Variants in DDX39A observed in about 807,000 individuals in gnomAD.
DDX39A encodes the protein ATP-dependent RNA helicase DDX39A.
Under a neutral mutation model 46.3 loss-of-function variants are expected in DDX39A, and 13 were observed. That is an observed-to-expected ratio of 0.28 (90% CI 0.18 to 0.45). The LOEUF (loss-of-function observed/expected upper bound fraction) is 0.45. Among genes scored for constraint, DDX39A ranks in the 20% least tolerant of loss-of-function variants. DDX39A has a pLI of 1.00. For missense variants in DDX39A, 352 were observed against 581.8 expected, an observed-to-expected ratio of 0.61 and a Z score of 4.06; for synonymous variants, 234 against 224.6, an observed-to-expected ratio of 1.04 and a Z score of -0.38.
In DDX39A at chr19:14,412,912, C is replaced by T; in HGVS notation, c.208+101G>A. 2 of 1,406,676 alleles carry T rather than the reference C, an allele frequency of 1.4e-6. No homozygotes were observed. Among genetic ancestry groups the T allele is most frequent in the African/African-American group, 2.9e-5 (2 of 69,814 alleles). 87.1% of individuals were successfully genotyped at this position (1,406,676 alleles called of 1,614,324 possible). A position where few individuals can be genotyped will look rare whatever the true frequency, so the allele number is the denominator to read the frequency against. ...GATCCGCGGGACAGACGGGCCCCTC[C>T]CTCACCCACGGCAAACTGGAGGCGG... is the stretch of plus-strand genomic sequence containing the variant. On this transcript the variant is annotated intron_variant, in intron 2 of 10. Transcript: ENST00000242776. This position sits in a 1 kb window ranked among gnomAD's most constrained non-coding sequence, Gnocchi z 4.4.
rs1352813035 is a variant in DDX39A at position 14,418,144 on chromosome 19, A to AAG, written c.-5+1124_-5+1125dup. On this transcript the variant is annotated intron_variant, in intron 1 of 10. Coordinates refer to ENST00000242776, the MANE Select transcript of DDX39A (RefSeq NM_005804.4). ...TCAAAAAAAAAAAAAAAAAAAAAAA[A>AAG]AGAGAGAGAGAGATAAATAAATTGG... Among the ~76,000 whole-genome samples the AAG allele has an allele frequency of 7.4e-5, 11 of 148,788 alleles. No individual in the cohort carries two copies. The East Asian group carries it at 7.8e-4, about 11-fold the overall frequency.
rs1196121799 is a variant in DDX39A at position 14,409,219 on chromosome 19, T to C, written c.1120-35A>G. Reference sequence around the variant, plus strand: ...GACAGGATCAGGGTCAGGCCACAGATACTACCTCAGGACTTGAGGAAAAGC... The same window carrying C: ...GACAGGATCAGGGTCAGGCCACAGACACTACCTCAGGACTTGAGGAAAAGC... On this transcript the variant is annotated intron_variant, in intron 9 of 10. Coordinates refer to ENST00000242776, the MANE Select transcript of DDX39A (RefSeq NM_005804.4). This position sits in a 1 kb window ranked among gnomAD's most constrained non-coding sequence, Gnocchi z 8.3. 6.2e-7 allele frequency: 1 copy of C among 1,613,762 alleles called. No individual in the cohort carries two copies. Among genetic ancestry groups the C allele is most frequent in the Non-Finnish European group, 8.5e-7 (1 of 1,179,802 alleles).
At position 14,409,431 on chromosome 19, in the gene DDX39A, G is replaced by C; in HGVS notation, c.991C>G (p.Gln331Glu). The change falls in exon 9 of 11, where the codon CAG becomes GAG. Residue 331 changes from glutamine to glutamate, a missense_variant. Coordinates refer to ENST00000242776, the MANE Select transcript of DDX39A (RefSeq NM_005804.4). This position sits in a 1 kb window ranked among gnomAD's most constrained non-coding sequence, Gnocchi z 8.3. The stretch of plus-strand genomic sequence containing the variant: ...ATCCGCCGCTGGAAATCCTTGAACT[G>C]CTGATAGCGTGACAGGCTGGGGTGC... ...AQEERLSRYQ[Q>E]FKDFQRRILV... 6.2e-7 allele frequency: 1 copy of C among 1,614,156 alleles called. No homozygotes were observed. The highest frequency in any genetic ancestry group is 8.5e-7 in the Non-Finnish European group (1 of 1,180,040).
At chr19:14,418,243 G>A (rs987809275) in intron 1 of DDX39A, among the ~76,000 whole-genome samples, 2 of 151,338 alleles carry the variant, frequency 1.3e-5, no homozygotes, top group East Asian at 1.9e-4. Context: ...AAACTGATTA[G>A]ATCAGGAAAG....
In DDX39A at chr19:14,410,057, C is replaced by A; in HGVS notation, c.732+159G>T. On this transcript the variant is annotated intron_variant, in intron 6 of 10. Transcript: ENST00000242776. The surrounding 1 kb of genome is among the most constrained non-coding windows in gnomAD (Gnocchi z 4.3). ...TGGCCCGACTCAGGTGTGGACCAAG[C>A]TTGACTCCCAGTTTGACAAGACCGA... 9.6e-7 allele frequency: 1 copy of A among 1,038,442 alleles called. No individual in the cohort carries two copies. The highest frequency in any genetic ancestry group is 1.5e-6 in the Non-Finnish European group (1 of 675,918). The allele number at this position is 1,038,442 out of a possible 1,614,324, so 64.3% of individuals were successfully genotyped here.
Position 14,410,360 on chromosome 19 carries a change from T to G in DDX39A, c.614-26A>C. The G allele has an allele frequency of 6.3e-7, 1 of 1,597,192 alleles. No homozygotes were observed. The highest frequency in any genetic ancestry group is 8.6e-7 in the Non-Finnish European group (1 of 1,165,064). On this transcript the variant is annotated intron_variant, in intron 5 of 10. Coordinates refer to ENST00000242776, the MANE Select transcript of DDX39A (RefSeq NM_005804.4). The surrounding 1 kb of genome is among the most constrained non-coding windows in gnomAD (Gnocchi z 4.3). ...CTAGGTGGGGAGGGCAAGACATGGGTGGGCATGAGCGTCTGCCATGCAGGA... is the reference window on the plus strand; with the variant it reads ...CTAGGTGGGGAGGGCAAGACATGGGGGGGCATGAGCGTCTGCCATGCAGGA...
rs1395020169 is a variant in DDX39A at position 14,409,259 on chromosome 19, AC to A, written c.1119+43del. On this transcript the variant is annotated intron_variant, in intron 9 of 10. Transcript: ENST00000242776. The surrounding 1 kb of genome is among the most constrained non-coding windows in gnomAD (Gnocchi z 8.3). ...TGAGGAAAAGCAGGGCTGGGGCCCC[AC>A]CCCACCGCCAGGGGAAAGCAACATG... 6.2e-7 allele frequency: 1 copy of A among 1,612,878 alleles called. No homozygotes were observed. The highest frequency in any genetic ancestry group is 1.7e-5 in the Admixed American group (1 of 59,982).
At chr19:14,414,439 A>G (rs1976724768) in intron 1 of DDX39A, among the ~76,000 whole-genome samples, 1 of 149,034 alleles carries the variant, frequency 6.7e-6, no homozygotes, top group Admixed American at 6.7e-5. Context: ...TGCAACCTCC[A>G]CCTCCAGGGT....
Position 14,412,502 on chromosome 19 carries a change from T to C in DDX39A, c.336+49A>G. 6.3e-7 allele frequency: 1 copy of C among 1,581,758 alleles called. No homozygotes were observed. Reference sequence around the variant, plus strand: ...AGCCACCCCATCCAGCCTACTCTACTTCCGCCGCCACAGGCAGGGTGGGGC... The same window carrying C: ...AGCCACCCCATCCAGCCTACTCTACCTCCGCCGCCACAGGCAGGGTGGGGC... On this transcript the variant is annotated intron_variant, in intron 3 of 10. Coordinates refer to ENST00000242776, the MANE Select transcript of DDX39A (RefSeq NM_005804.4). This position sits in a 1 kb window ranked among gnomAD's most constrained non-coding sequence, Gnocchi z 4.4.
At chr19:14,408,986 C>T (rs371485435) in intron 10 of DDX39A, 34 bp from the exon 11 acceptor site, 239 of 1,611,898 alleles carry the variant, frequency 1.5e-4, no homozygotes, top group East Asian at 3.1e-4. Context: ...ACTGAAGGGC[C>T]GGGGGAGGAA....
Position 14,411,643 on chromosome 19 carries a change from T to A in DDX39A, c.337-45A>T. On this transcript the variant is annotated intron_variant, in intron 3 of 10. Coordinates refer to ENST00000242776, the MANE Select transcript of DDX39A (RefSeq NM_005804.4). This position sits in a 1 kb window ranked among gnomAD's most constrained non-coding sequence, Gnocchi z 4.1. ...GAGGGCCTTACCTTAGGCAGTGTCC[T>A]AAACCCCTTCCCCACCAGAGTCCAC... 1.3e-6 allele frequency: 2 copies of A among 1,566,666 alleles called. No homozygotes were observed. Among genetic ancestry groups the A allele is most frequent in the African/African-American group, 1.4e-5 (1 of 73,928 alleles).
Position 14,412,314 on chromosome 19 carries a change from A to G in DDX39A, c.336+237T>C, listed in dbSNP as rs1265575521. On this transcript the variant is annotated intron_variant, in intron 3 of 10. Coordinates refer to ENST00000242776, the MANE Select transcript of DDX39A (RefSeq NM_005804.4). This position sits in a 1 kb window ranked among gnomAD's most constrained non-coding sequence, Gnocchi z 4.4. ...TTCCAGTTATTTTGGCTTATTGGCA[A>G]TTTCTAATTTTTGTTATAACTAATT... 2.1e-6 allele frequency: 1 copy of G among 478,070 alleles called. No individual in the cohort carries two copies. The highest frequency in any genetic ancestry group is 3.7e-5 in the East Asian group (1 of 26,888). 29.6% of individuals were successfully genotyped at this position (478,070 alleles called of 1,614,324 possible).
In DDX39A at chr19:14,411,185, G is replaced by A. The variant is rs2146387928; in HGVS notation, c.430-13C>T. ...AGAACACAGACACCTATGGGGATGAGGAGGAAACCGCTCCATGCTGATACA... is the reference window on the plus strand; with the variant it reads ...AGAACACAGACACCTATGGGGATGAAGAGGAAACCGCTCCATGCTGATACA... On this transcript the variant is annotated splice_polypyrimidine_tract_variant and intron_variant, in intron 4 of 10. Transcript: ENST00000242776. The surrounding 1 kb of genome is among the most constrained non-coding windows in gnomAD (Gnocchi z 4.1). The A allele has an allele frequency of 6.4e-7, 1 of 1,560,502 alleles. No individual in the cohort carries two copies. The highest frequency in any genetic ancestry group is 1.4e-5 in the African/African-American group (1 of 72,898).
At position 14,410,439 on chromosome 19, in the gene DDX39A, G is replaced by A. The variant is rs1976532291; in HGVS notation, c.614-105C>T. The A allele has an allele frequency of 9.9e-7, 1 of 1,008,472 alleles. No homozygotes were observed. The highest frequency in any genetic ancestry group is 1.5e-6 in the Non-Finnish European group (1 of 650,314). The allele number at this position is 1,008,472 out of a possible 1,614,324, so 62.5% of individuals were successfully genotyped here. The stretch of plus-strand genomic sequence containing the variant: ...TCCCAACCTGTGCCAGGGAGCCAGT[G>A]GCACCGTGACGAGGGCAGAGTGAGC... On this transcript the variant is annotated intron_variant, in intron 5 of 10. Transcript: ENST00000242776. This position sits in a 1 kb window ranked among gnomAD's most constrained non-coding sequence, Gnocchi z 4.3.
In DDX39A at chr19:14,411,097, C is replaced by A. The variant is rs1317050885; in HGVS notation, c.505G>T (p.Val169Leu). 2 of 1,612,600 alleles carry A rather than the reference C, an allele frequency of 1.2e-6. No homozygotes were observed. Among genetic ancestry groups the A allele is most frequent in the Non-Finnish European group, 1.7e-6 (2 of 1,179,446 alleles). The change falls in exon 5 of 11, where the codon GTG (valine) becomes TTG (leucine). Residue 169 changes from valine (V) to leucine (L), a missense_variant. By Grantham distance (32) the Val-to-Leu change is conservative. Transcript: ENST00000242776. The surrounding 1 kb of genome is among the most constrained non-coding windows in gnomAD (Gnocchi z 4.1). ...GCCAGGATGCGGCCCGGGGTCCCCA[C>A]CACGACATGGGGACAGTTCTTCTTC... Reference protein sequence around the residue: ...VLKKNCPHVVVGTPGRILALV... With the variant: ...VLKKNCPHVVLGTPGRILALV...
At position 14,412,848 on chromosome 19, in the gene DDX39A, C is replaced by T; in HGVS notation, c.208+165G>A. 8.0e-7 allele frequency: 1 copy of T among 1,255,290 alleles called. No homozygotes were observed. Among genetic ancestry groups the T allele is most frequent in the Non-Finnish European group, 1.1e-6 (1 of 919,654 alleles). 77.8% of individuals were successfully genotyped at this position (1,255,290 alleles called of 1,614,324 possible). On this transcript the variant is annotated intron_variant, in intron 2 of 10. Transcript: ENST00000242776. The surrounding 1 kb of genome is among the most constrained non-coding windows in gnomAD (Gnocchi z 4.4). ...TCCGCCTGGTCAAAGCAGAACGCCCCACTGCCGAGGGCAGCCACAGGCCCC... is the reference window on the plus strand; with the variant it reads ...TCCGCCTGGTCAAAGCAGAACGCCCTACTGCCGAGGGCAGCCACAGGCCCC...
intron 1 of DDX39A, chr19:14,418,855 C>A (rs955257416): frequency 1.5e-4 from 70 of 454,596 alleles, no homozygotes; most frequent in Admixed American, 2.6e-4. Flanking sequence ...GGATCAAGTC[C>A]CTCGGACCCA....
Position 14,411,516 on chromosome 19 carries a change from G to A in DDX39A, c.419C>T (p.Pro140Leu). The change falls in exon 4 of 11, where the codon CCC becomes CTC. Residue 140 changes from proline (P) to leucine (L), a missense_variant. Pro to Leu is a moderately conservative substitution (Grantham distance 98, BLOSUM62 -3). Transcript: ENST00000242776. The surrounding 1 kb of genome is among the most constrained non-coding windows in gnomAD (Gnocchi z 4.1). ...GCCCGAGGGACTCACCTTGACGCTGGGCATGTACTTGGAAAAGCGCTCATA... is the reference window on the plus strand; with the variant it reads ...GCCCGAGGGACTCACCTTGACGCTGAGCATGTACTTGGAAAAGCGCTCATA... ...KEYERFSKYM[P>L]SVKVSVFFGG... 6.2e-7 allele frequency: 1 copy of A among 1,614,134 alleles called. No individual in the cohort carries two copies. The highest frequency in any genetic ancestry group is 8.5e-7 in the Non-Finnish European group (1 of 1,179,972).
In DDX39A at chr19:14,411,621, G is replaced by T. The variant is rs1568327074; in HGVS notation, c.337-23C>A. ...CACCTGGGAAGTGGCATAAGAAGAG[G>T]GCCTTACCTTAGGCAGTGTCCTAAA... On this transcript the variant is annotated intron_variant, in intron 3 of 10. Coordinates refer to ENST00000242776, the MANE Select transcript of DDX39A (RefSeq NM_005804.4). The surrounding 1 kb of genome is among the most constrained non-coding windows in gnomAD (Gnocchi z 4.1). 6.6e-7 allele frequency: 1 copy of T among 1,507,070 alleles called. No homozygotes were observed. The highest frequency in any genetic ancestry group is 2.4e-5 in the East Asian group (1 of 40,878). 93.4% of individuals were successfully genotyped at this position (1,507,070 alleles called of 1,614,324 possible). A position where few individuals can be genotyped will look rare whatever the true frequency, so the allele number is the denominator to read the frequency against.
Sources: allele counts gnomAD v4.1 joint callset (sites outside exome capture counted in the v4.1 genomes callset), GRCh38; gene constraint gnomAD v4.1.1; non-coding constraint Gnocchi (gnomAD v3.1); transcripts MANE v1.5; gene names NCBI Gene and HGNC (gene_info 2026-07-23, HGNC 2026-07-21).